The following PTCH1 variants were observed in gnomAD, a reference collection of about 807,000 sequenced individuals.
The protein encoded by PTCH1 is protein patched homolog 1.
A neutral mutation model predicts 144.6 loss-of-function variants in PTCH1; 14 were observed. That is an observed-to-expected ratio of 0.10 (90% CI 0.06 to 0.15). The LOEUF (loss-of-function observed/expected upper bound fraction) is 0.15. Ranked by LOEUF, PTCH1 falls within the 10% of genes least tolerant of loss-of-function variation. The probability of loss-of-function intolerance (pLI) is 1.00; values close to 1 mark genes in which losing one functional copy is unlikely to be tolerated. For synonymous variants in PTCH1, 833 were observed against 793.6 expected (o/e 1.05, Z -0.83); for missense variants, 1,623 against 1,948.3 (o/e 0.83, Z 3.14).
chr9:95,477,329 C>A (rs899516866), intron 10 of PTCH1, among the ~76,000 whole-genome samples: 10 of 152,210 alleles, frequency 6.6e-5, no homozygotes, highest in African/African-American at 2.2e-4. Context: ...CCAAGTGTCT[C>A]TACTAACCAA....
chr9:95,480,811 A>C (rs1363022932), intron 5 of PTCH1, among the ~76,000 whole-genome samples: 1 of 152,226 alleles, frequency 6.6e-6, no homozygotes, highest in East Asian at 1.9e-4. Flanking sequence ...GAGAGGACTC[A>C]TAAGTTAATG....
chr9:95,444,372 A>G lies in PTCH1; in HGVS notation c.*2021T>C, dbSNP rs933434137. The G allele has an allele frequency of 1.3e-5, 2 of 152,312 alleles. No homozygotes were observed. The highest frequency in any genetic ancestry group is 4.8e-5 in the African/African-American group (2 of 41,452). The allele number at this position is 152,312 out of a possible 1,614,324, so 9.4% of individuals were successfully genotyped here. ...AGGGAAGTCGACTTCAGAATTCTGC[A>G]TCATCCCTCCTCCACGCAGGACGTT... On this transcript the variant is annotated 3_prime_UTR_variant, in exon 24 of 24. Coordinates refer to ENST00000331920, the MANE Select transcript of PTCH1 (RefSeq NM_000264.5).
At chr9:95,481,797 TCCC>T in intron 5 of PTCH1, 149 bp downstream of exon 5, 2 of 742,714 alleles carry the variant, frequency 2.7e-6, no homozygotes, top group Admixed American at 4.4e-5. Context: ...AAATCCCCTC[TCCC>T]CCGACTATTC....
At chr9:95,509,949 A>G (rs1393922027), upstream of PTCH1, among the ~76,000 whole-genome samples, 1 of 152,136 alleles carries the variant, frequency 6.6e-6, no homozygotes, top group Non-Finnish European at 1.5e-5. Flanking sequence ...ACGTTGGGAA[A>G]AGCCATCTTT....
chr9:95,465,599 G>C (rs1220216278), intron 15 of PTCH1, among the ~76,000 whole-genome samples: 1 of 152,202 alleles, frequency 6.6e-6, no homozygotes, highest in Non-Finnish European at 1.5e-5. Context: ...CACAAGTCAA[G>C]GCCAGAAGCT....
Position 95,449,518 on chromosome 9 carries a change from T to A in PTCH1, c.3550-195A>T. On this transcript the variant is annotated intron_variant, in intron 21 of 23. Transcript: ENST00000331920. The surrounding 1 kb of genome is among the most constrained non-coding windows in gnomAD (Gnocchi z 5.3). The stretch of plus-strand genomic sequence containing the variant: ...CGCAGCTGGAGCAGAAGAACTGTCC[T>A]CTGCTCCACACTGGAAAGGCAGGAT... 1 of 740,336 alleles carries A rather than the reference T, an allele frequency of 1.4e-6. No individual in the cohort carries two copies. Among genetic ancestry groups the A allele is most frequent in the South Asian group, 1.7e-5 (1 of 57,222 alleles). The allele number at this position is 740,336 out of a possible 1,614,324, so 45.9% of individuals were successfully genotyped here.
intron 1 of PTCH1, chr9:95,507,186 G>T (rs938439450): frequency 2.6e-5 from 26 of 985,520 alleles, no homozygotes; most frequent in South Asian, 4.7e-5. Context: ...GGGAGAGGCT[G>T]TGTGAGCTGA....
chr9:95,507,249 G>C, intron 1 of PTCH1: 3 of 985,608 alleles, frequency 3.0e-6, no homozygotes, highest in Non-Finnish European at 3.6e-6. Context: ...GTGATCGGAA[G>C]AGGGCAGCCA....
intron 6 of PTCH1, 96 bp from the exon 7 acceptor site, chr9:95,480,186 G>A (rs2118402717): frequency 1.3e-6 from 2 of 1,586,726 alleles, no homozygotes; most frequent in Non-Finnish European, 1.7e-6. Flanking sequence ...GTGTTTCAGA[G>A]AGAACATTAA....
rs774438148 is a variant in PTCH1, at chr9:95,449,980, G to A, written c.3450-40C>T. On this transcript the variant is annotated intron_variant, in intron 20 of 23. Coordinates refer to ENST00000331920, the MANE Select transcript of PTCH1 (RefSeq NM_000264.5). This position sits in a 1 kb window ranked among gnomAD's most constrained non-coding sequence, Gnocchi z 5.3. ...GGAAACGGGAACACGCGCTGTGACA[G>A]GGTGGATCGCGCCACCCTCCGTGTG... 1.9e-6 allele frequency: 3 copies of A among 1,573,492 alleles called. No individual in the cohort carries two copies. The South Asian group carries it at 3.3e-5, about 18-fold the overall frequency.
Position 95,476,054 on chromosome 9 carries a change from G to C in PTCH1, c.1708C>G (p.Leu570Val), listed in dbSNP as rs1841004985. The change falls in exon 12 of 24, where the codon CTG (leucine) becomes GTG (valine). Residue 570 changes from leucine to valine, a missense_variant. By Grantham distance (32) the Leu-to-Val change is conservative. This residue lies in a region of PTCH1 where 135 missense variants were observed against 228.7 expected (regional missense o/e 0.59). Transcript: ENST00000331920. The surrounding 1 kb of genome is among the most constrained non-coding windows in gnomAD (Gnocchi z 4.6). Reference sequence around the variant, plus strand: ...CTCACCTGGAGGGAGAACGCCCGCAGAGCGGGAATTGGGATTAACGCGGCC... The same window carrying C: ...CTCACCTGGAGGGAGAACGCCCGCACAGCGGGAATTGGGATTAACGCGGCC... ...FMAALIPIPALRAFSLQAAVV... is the reference protein window; with the variant it reads ...FMAALIPIPAVRAFSLQAAVV... The C allele has an allele frequency of 6.2e-7, 1 of 1,614,086 alleles. No homozygotes were observed. The highest frequency in any genetic ancestry group is 8.5e-7 in the Non-Finnish European group (1 of 1,180,022).
At chr9:95,472,304 T>A (rs566969685) in intron 12 of PTCH1, among the ~76,000 whole-genome samples, 2 of 152,336 alleles carry the variant, frequency 1.3e-5, no homozygotes, top group East Asian at 3.9e-4. Flanking sequence ...TGCCTGAGGT[T>A]ATCCAGTAAA....
intron 22 of PTCH1, among the ~76,000 whole-genome samples, 182 bp from the exon 23 acceptor site, chr9:95,447,633 A>G (rs1186869399): frequency 6.6e-6 from 1 of 152,184 alleles, no homozygotes; most frequent in African/African-American, 2.4e-5. Context: ...CTGGCGGAGG[A>G]GCGTGTTGTT....
chr9:95,508,344 G>A lies in PTCH1; in HGVS notation c.18C>T (p.Asn6=), dbSNP rs878853848. 2 of 1,246,948 alleles carry A rather than the reference G, an allele frequency of 1.6e-6. No individual in the cohort carries two copies. Among genetic ancestry groups the A allele is most frequent in the Non-Finnish European group, 2.0e-6 (2 of 996,660 alleles). 77.2% of individuals were successfully genotyped at this position (1,246,948 alleles called of 1,614,324 possible). ...CGCCGCGGTCCTGGGGCTCGGCGGC[G>A]TTACCAGCCGAGGCCATGTTGCCGC... MASAG[N]AAEPQDRGGG... is the part of the protein sequence containing the mutation. Residue 6 remains asparagine, a synonymous_variant, in exon 1 of 24, where the codon AAC becomes AAT. Coordinates refer to ENST00000331920, the MANE Select transcript of PTCH1 (RefSeq NM_000264.5).
Position 95,469,160 on chromosome 9 carries a change from G to A in PTCH1, c.1848-7C>T, listed in dbSNP as rs747886563. 1 of 1,614,086 alleles carries A rather than the reference G, an allele frequency of 6.2e-7. No individual in the cohort carries two copies. Among genetic ancestry groups the A allele is most frequent in the Non-Finnish European group, 8.5e-7 (1 of 1,180,030 alleles). On this transcript the variant is annotated splice_region_variant and splice_polypyrimidine_tract_variant and intron_variant, in intron 13 of 23. Coordinates refer to ENST00000331920, the MANE Select transcript of PTCH1 (RefSeq NM_000264.5). The stretch of plus-strand genomic sequence containing the variant: ...CACTCTGCTGACGCAGGGGCTGAAA[G>A]GAGGGGAAACATGTTGCAATGTTAT...
intron 2 of PTCH1, among the ~76,000 whole-genome samples, chr9:95,488,216 G>A (rs951840650): frequency 6.6e-6 from 1 of 152,148 alleles, no homozygotes; most frequent in Admixed American, 6.5e-5. Context: ...GATGTTTTAA[G>A]ATGTATATTT....
intron 16 of PTCH1, 96 bp downstream of exon 16, chr9:95,461,760 G>A (rs1008521808): frequency 5.9e-6 from 9 of 1,530,336 alleles, no homozygotes; most frequent in South Asian, 1.2e-5. Flanking sequence ...GGTCTCCAGA[G>A]AGCACAGGGT....
chr9:95,506,214 G>C, intron 2 of PTCH1, 193 bp downstream of exon 2: 1 of 603,076 alleles, frequency 1.7e-6, no homozygotes, highest in Non-Finnish European at 2.7e-6. Context: ...AGCGCCCCGA[G>C]TAGATTACAG....
At chr9:95,514,345 C>G (rs764481706) in intron 1 of PTCH1, 3 of 152,248 alleles carry the variant, frequency 2.0e-5, no homozygotes, top group African/African-American at 7.2e-5. Context: ...TAATATATCT[C>G]TATCAAGCTT....
Sources: allele counts gnomAD v4.1 joint callset (sites outside exome capture counted in the v4.1 genomes callset), GRCh38; gene constraint gnomAD v4.1.1; regional missense constraint gnomAD v4.1.1; non-coding constraint Gnocchi (gnomAD v3.1); transcripts MANE v1.5; gene names NCBI Gene and HGNC (gene_info 2026-07-23, HGNC 2026-07-21).